Variants in DNAJC15 observed in about 807,000 individuals in gnomAD.
DNAJC15 encodes dnaJ homolog subfamily C member 15.
DNAJC15 carries 27 observed loss-of-function variants against 22.4 expected under a neutral mutation model. That is an observed-to-expected ratio of 1.20 (90% CI 0.89 to 1.66). DNAJC15 has a LOEUF of 1.66. Among genes scored for constraint, DNAJC15 ranks in the 40% most tolerant of loss-of-function variants. The pLI is 0.00. For missense variants in DNAJC15, 208 were observed against 187.1 expected (o/e 1.11, Z -0.65); for synonymous variants, 79 against 63.2 (o/e 1.25, Z -1.19).
At position 43,107,354 on chromosome 13, in the gene DNAJC15, G is replaced by T; in HGVS notation, c.*106G>T. On this transcript the variant is annotated 3_prime_UTR_variant, in exon 6 of 6. Transcript: ENST00000379221. ...GTCTTCTTAATTTTCTATATGGATT[G>T]ACCACAGTCTTATCTTCCACCATTA... 2 of 866,342 alleles carry T rather than the reference G, an allele frequency of 2.3e-6. No individual in the cohort carries two copies. Among genetic ancestry groups the T allele is most frequent in the South Asian group, 5.3e-5 (2 of 37,430 alleles). 53.7% of individuals were successfully genotyped at this position (866,342 alleles called of 1,614,324 possible). A position where few individuals can be genotyped will look rare whatever the true frequency, so the allele number is the denominator to read the frequency against.
rs2040821985 is a variant in DNAJC15, at chr13:43,110,953, T to C, written c.*3705T>C. 6.6e-6 allele frequency: 1 copy of C among 152,254 alleles called. No individual in the cohort carries two copies. 9.4% of individuals were successfully genotyped at this position (152,254 alleles called of 1,614,324 possible). ...TTGCATATTCTGCTTAATTAAGCTCTGTTGATATTGCAGTTTCTGTGCATA... is the reference window on the plus strand; with the variant it reads ...TTGCATATTCTGCTTAATTAAGCTCCGTTGATATTGCAGTTTCTGTGCATA... On this transcript the variant is annotated 3_prime_UTR_variant, in exon 6 of 6. Coordinates refer to ENST00000379221, the MANE Select transcript of DNAJC15 (RefSeq NM_013238.3).
At chr13:43,068,580 A>G (rs1391262624) in intron 2 of DNAJC15, among the ~76,000 whole-genome samples, 5 of 152,090 alleles carry the variant, frequency 3.3e-5, no homozygotes, top group African/African-American at 1.2e-4. Context: ...TTTATATGTA[A>G]TAGGACTTTA....
chr13:43,039,725 G>A (rs2040444446), intron 1 of DNAJC15, among the ~76,000 whole-genome samples: 1 of 152,194 alleles, frequency 6.6e-6, no homozygotes, highest in Non-Finnish European at 1.5e-5. Context: ...ACTTGAAAGA[G>A]ATAAATTTGG....
chr13:43,094,484 G>A (rs1380225587), intron 5 of DNAJC15, among the ~76,000 whole-genome samples: 1 of 152,144 alleles, frequency 6.6e-6, no homozygotes, highest in Admixed American at 6.5e-5. Context: ...CCGCTCTAAG[G>A]GTTCCAGCTG....
At chr13:43,073,466 T>C (rs900471420) in intron 3 of DNAJC15, among the ~76,000 whole-genome samples, 1 of 133,808 alleles carries the variant, frequency 7.5e-6, no homozygotes, top group Admixed American at 7.7e-5. Context: ...AGGCATATGG[T>C]TCTCTTTCTC....
chr13:43,064,464 G>A (rs761493992), intron 1 of DNAJC15, among the ~76,000 whole-genome samples: 1 of 152,088 alleles, frequency 6.6e-6, no homozygotes, highest in Non-Finnish European at 1.5e-5. Flanking sequence ...CTGTTCCCTA[G>A]GGAGATTATG....
chr13:43,065,033 T>C (rs2040576906), intron 1 of DNAJC15, among the ~76,000 whole-genome samples: 1 of 152,142 alleles, frequency 6.6e-6, no homozygotes, highest in Admixed American at 6.5e-5. Context: ...CATAAATCTT[T>C]TGTTATTGTG....
At chr13:43,096,703 C>T (rs138295598) in intron 5 of DNAJC15, among the ~76,000 whole-genome samples, 5 of 152,220 alleles carry the variant, frequency 3.3e-5, no homozygotes, top group Admixed American at 3.3e-4. Context: ...TTCTTCATAG[C>T]TCCTCCCATC....
intron 1 of DNAJC15, among the ~76,000 whole-genome samples, chr13:43,056,952 T>G (rs9594875): frequency 6.6e-6 from 1 of 152,214 alleles, no homozygotes. Flanking sequence ...TCCTTCTTGA[T>G]CGTAGGGTTT....
In DNAJC15 at chr13:43,074,973, G is replaced by A. The variant is rs770972000; in HGVS notation, c.235-3639G>A. On this transcript the variant is annotated intron_variant, in intron 3 of 5. Transcript: ENST00000379221. The stretch of plus-strand genomic sequence containing the variant: ...CTGAGGCCAACTTTTTGTATCTGTG[G>A]TTTCTGTAGGGCTGACCGTGGTGCC... Among the ~76,000 whole-genome samples, 87 of 152,170 alleles carry A rather than the reference G, an allele frequency of 5.7e-4. 1 individual carries two copies. The highest frequency in any genetic ancestry group is 1.0e-3 in the Non-Finnish European group (70 of 68,030).
intron 5 of DNAJC15, among the ~76,000 whole-genome samples, chr13:43,102,412 A>G (rs1045679495): frequency 3.3e-5 from 5 of 152,176 alleles, no homozygotes; most frequent in Admixed American, 3.3e-4. Flanking sequence ...TTCTTTTGCT[A>G]TGCAGAAGCT....
Position 43,112,554 on chromosome 13 carries a change from CAAT to C in DNAJC15, c.*5310_*5312del, listed in dbSNP as rs1181072742. ...ACATCTAAACTATAATGCTAAAAGC[CAAT>C]AATTAGAATAAGTTCATTTTAAGAA... is the stretch of plus-strand genomic sequence containing the variant. On this transcript the variant is annotated 3_prime_UTR_variant, in exon 6 of 6. Transcript: ENST00000379221. 1 of 152,056 alleles carries C rather than the reference CAAT, an allele frequency of 6.6e-6. No homozygotes were observed. Among genetic ancestry groups the C allele is most frequent in the African/African-American group, 2.4e-5 (1 of 41,394 alleles). 9.4% of individuals were successfully genotyped at this position (152,056 alleles called of 1,614,324 possible). A position where few individuals can be genotyped will look rare whatever the true frequency, so the allele number is the denominator to read the frequency against.
At chr13:43,063,301 C>G (rs995576369) in intron 1 of DNAJC15, among the ~76,000 whole-genome samples, 14 of 152,246 alleles carry the variant, frequency 9.2e-5, no homozygotes, top group African/African-American at 3.4e-4. Flanking sequence ...TGAGCCACCG[C>G]GTCCAGCTTT....
At chr13:43,040,073 G>A (rs1045650106) in intron 1 of DNAJC15, among the ~76,000 whole-genome samples, 9 of 152,138 alleles carry the variant, frequency 5.9e-5, no homozygotes, top group African/African-American at 2.2e-4. Context: ...GAATTAAATA[G>A]CAGGGATGAG....
intron 1 of DNAJC15, among the ~76,000 whole-genome samples, chr13:43,032,413 T>A (rs1225773332): frequency 6.6e-6 from 1 of 152,250 alleles, no homozygotes; most frequent in East Asian, 1.9e-4. Context: ...GAAAACACTT[T>A]TTGAAATGCT....
intron 1 of DNAJC15, among the ~76,000 whole-genome samples, chr13:43,043,896 G>A (rs2040464863): frequency 6.6e-6 from 1 of 152,172 alleles, no homozygotes; most frequent in South Asian, 2.1e-4. Flanking sequence ...TAATGGTAAA[G>A]GTAGGGTGTC....
intron 3 of DNAJC15, among the ~76,000 whole-genome samples, chr13:43,071,511 G>A (rs2153441074): frequency 6.6e-6 from 1 of 152,314 alleles, no homozygotes; most frequent in Non-Finnish European, 1.5e-5. Flanking sequence ...AAAGATGCAA[G>A]TACTTTTAAA....
At chr13:43,100,947 A>G (rs759856166) in intron 5 of DNAJC15, among the ~76,000 whole-genome samples, 1 of 152,128 alleles carries the variant, frequency 6.6e-6, no homozygotes, top group East Asian at 1.9e-4. Flanking sequence ...TTAGGTGCAC[A>G]TATGTTTACA....
intron 4 of DNAJC15, among the ~76,000 whole-genome samples, chr13:43,083,162 A>G (rs9533380): frequency 0.23 from 34,640 of 151,618 alleles, 4,546 homozygotes; most frequent in Non-Finnish European, 0.31. Context: ...ATATAATCCT[A>G]ATTTCTTTTT....
Sources: gnomAD v4.1 joint callset for allele counts (sites outside exome capture counted in the v4.1 genomes callset) on GRCh38, gnomAD v4.1.1 for gene constraint, MANE v1.5 for transcripts, NCBI Gene and HGNC (gene_info 2026-07-23, HGNC 2026-07-21) for gene names.